CA1: variants seen among roughly 807,000 people sequenced by gnomAD.
The protein encoded by CA1 is carbonate dehydratase I.
A neutral mutation model predicts 28.8 loss-of-function variants in CA1; 27 were observed. That is an observed-to-expected ratio of 0.94 (90% confidence interval 0.69 to 1.29). CA1 has a LOEUF of 1.29. Among genes scored for constraint, CA1 ranks in the 50% most tolerant of loss-of-function variants. CA1 has a pLI of 0.00. For synonymous variants in CA1, 121 were observed against 108.8 expected (o/e 1.11, Z -0.70); for missense variants, 335 against 310.5 (o/e 1.08, Z -0.59).
At chr8:85,372,314 C>T (rs950736153) in intron 1 of CA1, among the ~76,000 whole-genome samples, 5 of 152,066 alleles carry the variant, frequency 3.3e-5, no homozygotes, top group African/African-American at 9.7e-5. Context: ...AAAAATACAG[C>T]AGAAAACAAG....
intron 7 of CA1, 125 bp from the exon 8 acceptor site, chr8:85,328,801 A>G: frequency 3.7e-6 from 2 of 542,232 alleles, no homozygotes; most frequent in Non-Finnish European, 6.6e-6. Context: ...TATCACTAAT[A>G]GGAAGAGAGA....
intron 5 of CA1, 149 bp from the exon 6 acceptor site, chr8:85,332,701 T>G: frequency 1.5e-6 from 1 of 670,458 alleles, no homozygotes; most frequent in Non-Finnish European, 2.7e-6. Context: ...TCAAGCTGTA[T>G]GTCTTTGAGG....
At chr8:85,376,199 C>T (rs1005492767) in intron 1 of CA1, among the ~76,000 whole-genome samples, 9 of 152,038 alleles carry the variant, frequency 5.9e-5, no homozygotes, top group Admixed American at 1.3e-4. Flanking sequence ...GGTGTGGTAG[C>T]GCATACTTGT....
rs751837540 is a variant in CA1, at chr8:85,329,715, C to T, written c.643G>A (p.Glu215Lys). 3.1e-6 allele frequency: 5 copies of T among 1,610,952 alleles called. No individual in the cohort carries two copies. The Admixed American group carries it at 8.4e-5, about 27-fold the overall frequency. ...YESVTWIICK[E>K]SISVSSEQLA... is the part of the protein sequence containing the mutation. ...TGCTCTGAGCTGACACTGATGCTCT[C>T]CTTACAGATGATCCAAGTTACACTC... Residue 215 changes from glutamate to lysine, a missense_variant, in exon 7 of 8, where the codon GAG becomes AAG. By Grantham distance (56) the Glu-to-Lys change is moderately conservative. Transcript: ENST00000523022.
In CA1 at chr8:85,373,779, A is replaced by C. The variant is rs910345438; in HGVS notation, c.-25+4267T>G. ...CTTAAAAAGAAATGATACATGCTAC[A>C]ATATGGAGGAAGATTGAAGACACTA... On this transcript the variant is annotated intron_variant, in intron 1 of 7. Coordinates refer to ENST00000523022, the MANE Select transcript of CA1 (RefSeq NM_001128831.4). Among the ~76,000 whole-genome samples, 6 of 152,312 alleles carry C rather than the reference A, an allele frequency of 3.9e-5. No individual in the cohort carries two copies. The East Asian group carries it at 1.2e-3, about 29-fold the overall frequency.
intron 7 of CA1, among the ~76,000 whole-genome samples, chr8:85,329,470 C>T (rs992983615): frequency 6.6e-6 from 1 of 151,362 alleles, no homozygotes; most frequent in Non-Finnish European, 1.5e-5. Context: ...GAAAGAGTGG[C>T]GGGAGTCATT....
intron 6 of CA1, 57 bp from the exon 7 acceptor site, chr8:85,329,901 G>A: frequency 1.6e-6 from 2 of 1,276,046 alleles, no homozygotes; most frequent in Non-Finnish European, 2.2e-6. Context: ...ATGAATATAT[G>A]TGACATATAT....
intron 1 of CA1, among the ~76,000 whole-genome samples, chr8:85,361,364 A>C (rs930032628): frequency 6.6e-5 from 10 of 152,174 alleles, no homozygotes; most frequent in African/African-American, 2.4e-4. Flanking sequence ...AAAGATAATA[A>C]AGAAGAAAAT....
At position 85,336,822 on chromosome 8, in the gene CA1, G is replaced by A; in HGVS notation, c.354+123C>T. On this transcript the variant is annotated intron_variant, in intron 4 of 7. Coordinates refer to ENST00000523022, the MANE Select transcript of CA1 (RefSeq NM_001128831.4). ...TGTGCTTGATTTTAATGGAAACTGG[G>A]AGTTCCTTACTGGAATACCCATTCC... 3 of 752,186 alleles carry A rather than the reference G, an allele frequency of 4.0e-6. No individual in the cohort carries two copies. The South Asian group carries it at 4.2e-5, about 10-fold the overall frequency. 46.6% of individuals were successfully genotyped at this position (752,186 alleles called of 1,614,324 possible). A position where few individuals can be genotyped will look rare whatever the true frequency, so the allele number is the denominator to read the frequency against.
chr8:85,368,824 A>G (rs1810110624), intron 1 of CA1, among the ~76,000 whole-genome samples: 1 of 152,172 alleles, frequency 6.6e-6, no homozygotes, highest in South Asian at 2.1e-4. Flanking sequence ...GAGGTTCCAG[A>G]CTTGTCACTG....
At chr8:85,334,524 C>G (rs1373208309) in intron 4 of CA1, among the ~76,000 whole-genome samples, 2 of 152,132 alleles carry the variant, frequency 1.3e-5, no homozygotes, top group Non-Finnish European at 2.9e-5. Context: ...GTAACCACCA[C>G]AAATCAAAAC....
At chr8:85,365,137 A>T (rs1247018572) in intron 1 of CA1, among the ~76,000 whole-genome samples, 1 of 152,208 alleles carries the variant, frequency 6.6e-6, no homozygotes, top group Non-Finnish European at 1.5e-5. Flanking sequence ...CATCACCGGT[A>T]TATAAAAGGG....
intron 7 of CA1, among the ~76,000 whole-genome samples, chr8:85,329,201 C>G (rs538565809): frequency 6.6e-6 from 1 of 152,176 alleles, no homozygotes; most frequent in African/African-American, 2.4e-5. Flanking sequence ...ATGTAAGGCA[C>G]GTAATAAACA....
At chr8:85,354,616 G>A (rs1585947817) in intron 1 of CA1, among the ~76,000 whole-genome samples, 1 of 152,166 alleles carries the variant, frequency 6.6e-6, no homozygotes, top group Admixed American at 6.5e-5. Context: ...GGAAGTCACT[G>A]AGACAACAGA....
intron 1 of CA1, among the ~76,000 whole-genome samples, chr8:85,345,221 C>G (rs115469115): frequency 6.6e-6 from 1 of 152,112 alleles, no homozygotes; most frequent in Admixed American, 6.5e-5. Context: ...CCATCCATAC[C>G]GAGCTTGTTC....
At chr8:85,362,973 T>C (rs1390711273) in intron 1 of CA1, among the ~76,000 whole-genome samples, 2 of 152,224 alleles carry the variant, frequency 1.3e-5, no homozygotes, top group African/African-American at 4.8e-5. Flanking sequence ...TTACCTTCAG[T>C]TCCCTTGTGG....
At chr8:85,334,550 A>T (rs1297597528) in intron 4 of CA1, among the ~76,000 whole-genome samples, 1 of 151,762 alleles carries the variant, frequency 6.6e-6, no homozygotes, top group Non-Finnish European at 1.5e-5. Flanking sequence ...TATCCATATC[A>T]CTTATTTAAT....
At chr8:85,374,868 A>G (rs1810350702) in intron 1 of CA1, among the ~76,000 whole-genome samples, 1 of 152,172 alleles carries the variant, frequency 6.6e-6, no homozygotes, top group African/African-American at 2.4e-5. Flanking sequence ...TACCCACATA[A>G]ATATGACCCA....
chr8:85,329,238 A>G (rs981987496), intron 7 of CA1, among the ~76,000 whole-genome samples: 1 of 152,208 alleles, frequency 6.6e-6, no homozygotes, highest in African/African-American at 2.4e-5. Context: ...GATACTTACT[A>G]TAATCACCAT....
Sources: gnomAD v4.1 joint callset for allele counts (sites outside exome capture counted in the v4.1 genomes callset) on GRCh38, gnomAD v4.1.1 for gene constraint, MANE v1.5 for transcripts, NCBI Gene and HGNC (gene_info 2026-07-23, HGNC 2026-07-21) for gene names.